The following RBM6 variants were observed in gnomAD, a reference collection of about 807,000 sequenced individuals.
RBM6 encodes the protein RNA binding motif protein 6.
A neutral mutation model predicts 140.4 loss-of-function variants in RBM6; 23 were observed. The observed-to-expected ratio is 0.16, with a 90% CI of 0.12 to 0.23. The LOEUF (loss-of-function observed/expected upper bound fraction) is 0.23. Ranked by LOEUF, RBM6 falls within the 10% of genes least tolerant of loss-of-function variation. RBM6 has a pLI of 1.00. For synonymous variants in RBM6, 439 were observed against 475.6 expected, an observed-to-expected ratio of 0.92 and a Z score of 1.00; for missense variants, 1,139 against 1,386.7, an observed-to-expected ratio of 0.82 and a Z score of 2.84.
chr3:50,002,270 T>TC (rs1197179855), intron 6 of RBM6, among the ~76,000 whole-genome samples: 1 of 151,094 alleles, frequency 6.6e-6, no homozygotes, highest in African/African-American at 2.4e-5. Flanking sequence ...TTTTCTTTTT[T>TC]TTTTTTTTTG....
intron 7 of RBM6, among the ~76,000 whole-genome samples, chr3:50,051,943 G>A (rs1408703103): frequency 3.3e-5 from 5 of 152,166 alleles, no homozygotes; most frequent in Non-Finnish European, 7.3e-5. Flanking sequence ...AATGGGGGAG[G>A]TAACTCCACT....
chr3:50,076,747 G>T (rs187755845), intron 20 of RBM6, among the ~76,000 whole-genome samples: 2 of 151,810 alleles, frequency 1.3e-5, no homozygotes, highest in Non-Finnish European at 2.9e-5. Context: ...TTAGCCGGGC[G>T]TGGTGGCAGG....
chr3:50,058,625 TGACTGG>T (rs2089811918), intron 10 of RBM6, 63 bp downstream of exon 10: 1 of 1,496,220 alleles, frequency 6.7e-7, no homozygotes, highest in Non-Finnish European at 9.2e-7. Context: ...CAAGAAGGTT[TGACTGG>T]GGGCCGGGCC....
chr3:50,006,144 C>CTTT (rs1169238410), intron 6 of RBM6, among the ~76,000 whole-genome samples: 3 of 112,830 alleles, frequency 2.7e-5, no homozygotes, highest in Admixed American at 9.5e-5. Flanking sequence ...CTGATTGAGA[C>CTTT]TTTTTTTTTT....
At chr3:49,947,260 A>G (rs1373634405) in intron 1 of RBM6, among the ~76,000 whole-genome samples, 7 of 24,864 alleles carry the variant, frequency 2.8e-4, no homozygotes, top group Admixed American at 1.7e-3. Flanking sequence ...TCAAAAAAAA[A>G]AAGGGGGGGG....
intron 5 of RBM6, 41 bp from the exon 6 acceptor site, chr3:49,999,399 C>T (rs9851274): frequency 6.6e-7 from 1 of 1,523,588 alleles, no homozygotes; most frequent in Non-Finnish European, 9.1e-7. Flanking sequence ...GTTTGCAAGG[C>T]ACTAACACCA....
rs187010029 is a variant in RBM6 at position 49,962,836 on chromosome 3, G to A, written c.44+151G>A. 6.5e-4 allele frequency: 440 copies of A among 677,034 alleles called. 4 individuals carry two copies. The East Asian group carries it at 0.014, about 22-fold the overall frequency. The allele number at this position is 677,034 out of a possible 1,614,324, so 41.9% of individuals were successfully genotyped here. On this transcript the variant is annotated intron_variant, in intron 2 of 20. Coordinates refer to ENST00000266022, the MANE Select transcript of RBM6 (RefSeq NM_005777.3). The stretch of plus-strand genomic sequence containing the variant: ...AATTTGGCTGGGCGCGGTGGCTCAC[G>A]CCTGTAATCCCAGCACTTTGGGAGG...
chr3:49,965,183 G>C (rs1322468815), intron 2 of RBM6, among the ~76,000 whole-genome samples: 2 of 152,288 alleles, frequency 1.3e-5, no homozygotes, highest in African/African-American at 4.8e-5. Flanking sequence ...ATTTAGAAGA[G>C]TAAGATAATC....
chr3:49,973,588 T>TC (rs1371810532), intron 4 of RBM6, among the ~76,000 whole-genome samples: 2 of 147,192 alleles, frequency 1.4e-5, no homozygotes, highest in Non-Finnish European at 1.5e-5. Context: ...GCTTTTCTTT[T>TC]TTTTTTTTTT....
At position 50,065,087 on chromosome 3, in the gene RBM6, C is replaced by T. The variant is rs1454320339; in HGVS notation, c.2643C>T (p.Pro881=). 6.2e-7 allele frequency: 1 copy of T among 1,613,782 alleles called. No individual in the cohort carries two copies. The highest frequency in any genetic ancestry group is 8.5e-7 in the Non-Finnish European group (1 of 1,179,790). Residue 881 remains proline (P), a synonymous_variant, in exon 16 of 21, where the codon CCC becomes CCT. Coordinates refer to ENST00000266022, the MANE Select transcript of RBM6 (RefSeq NM_005777.3). ...CTGCAGAAGACGTCTTTAAGAAGCC[C>T]CTGCCTCCTACTGTGAAGAAGGAAG... The part of the protein sequence containing the change: ...KAPAEDVFKK[P]LPPTVKKEES...
In RBM6 at chr3:49,982,272, T is replaced by C. The variant is rs1020223527; in HGVS notation, c.1483+6880T>C. Reference sequence around the variant, plus strand: ...CATTTCTTTTCTTTTCTTTTTTTTTTTTTTTTTTTTTTTTTTTTGGTAGAA... The same window carrying C: ...CATTTCTTTTCTTTTCTTTTTTTTTCTTTTTTTTTTTTTTTTTTGGTAGAA... On this transcript the variant is annotated intron_variant, in intron 5 of 20. Transcript: ENST00000266022. Among the ~76,000 whole-genome samples the C allele has an allele frequency of 3.1e-3, 451 of 143,718 alleles. 2 individuals are homozygous for C. The highest frequency in any genetic ancestry group is 0.011 in the African/African-American group (421 of 38,804). 94.3% of individuals were successfully genotyped at this position (143,718 alleles called of 152,430 possible). A position where few individuals can be genotyped will look rare whatever the true frequency, so the allele number is the denominator to read the frequency against.
Position 49,968,287 on chromosome 3 carries a change from G to C in RBM6, c.862G>C (p.Val288Leu). 6.2e-7 allele frequency: 1 copy of C among 1,614,138 alleles called. No homozygotes were observed. Among genetic ancestry groups the C allele is most frequent in the East Asian group, 2.2e-5 (1 of 44,888 alleles). ...ATTTAAAGATAGGGAGATGCCCCCT[G>C]TGGATCCAAATATTTTGGATTACAT... ...MEFKDREMPP[V>L]DPNILDYIQP... The change falls in exon 3 of 21, where the codon GTG becomes CTG. Residue 288 changes from valine to leucine, a missense_variant. By Grantham distance (32) the Val-to-Leu change is conservative. Around this residue, in one of 9 missense-constraint regions of RBM6, gnomAD observed 566 missense variants for 612.7 expected, o/e 0.92. Transcript: ENST00000266022.
At chr3:50,022,750 G>GA (rs1156726436) in intron 6 of RBM6, among the ~76,000 whole-genome samples, 1 of 152,046 alleles carries the variant, frequency 6.6e-6, no homozygotes, top group Non-Finnish European at 1.5e-5. Flanking sequence ...AGCCAAAAAT[G>GA]AAAAATAGGA....
At chr3:50,075,458 G>C in intron 20 of RBM6, 128 bp downstream of exon 20, 1 of 1,275,546 alleles carries the variant, frequency 7.8e-7, no homozygotes, top group Non-Finnish European at 1.1e-6. Context: ...GGACATGAGA[G>C]TTGAACACTT....
rs765558208 is a variant in RBM6 at position 49,968,271 on chromosome 3, T to C, written c.846T>C (p.Asp282=). 1 of 1,614,096 alleles carries C rather than the reference T, an allele frequency of 6.2e-7. No homozygotes were observed. The highest frequency in any genetic ancestry group is 1.1e-5 in the South Asian group (1 of 91,080). ...TGGGATCTTGTATGGAATTTAAAGA[T>C]AGGGAGATGCCCCCTGTGGATCCAA... ...REMGSCMEFK[D]REMPPVDPNI... is the part of the protein sequence containing the mutation. Residue 282 remains aspartate, a synonymous_variant, in exon 3 of 21, where the codon GAT becomes GAC. Coordinates refer to ENST00000266022, the MANE Select transcript of RBM6 (RefSeq NM_005777.3).
At chr3:50,020,605 A>C in intron 6 of RBM6, among the ~76,000 whole-genome samples, 1 of 152,168 alleles carries the variant, frequency 6.6e-6, no homozygotes, top group Admixed American at 6.5e-5. Flanking sequence ...CCATACAGTT[A>C]ATGATGGGGA....
chr3:49,946,995 T>C (rs2108572026), intron 1 of RBM6, among the ~76,000 whole-genome samples: 1 of 150,018 alleles, frequency 6.7e-6, no homozygotes, highest in Non-Finnish European at 1.5e-5. Context: ...TTTGGAGAAG[T>C]ATCTATTCAT....
At chr3:50,075,024 C>A in intron 19 of RBM6, 177 bp from the exon 20 acceptor site, 2 of 649,954 alleles carry the variant, frequency 3.1e-6, no homozygotes, top group Non-Finnish European at 5.0e-6. Context: ...GGTGTGGTGG[C>A]GGGCACCTGC....
chr3:49,964,763 A>G (rs1327326923), intron 2 of RBM6, among the ~76,000 whole-genome samples: 2 of 152,182 alleles, frequency 1.3e-5, no homozygotes, highest in Non-Finnish European at 2.9e-5. Flanking sequence ...TTTCGTATAG[A>G]ATTAACGTGG....
Sources: gnomAD v4.1 joint callset for allele counts (sites outside exome capture counted in the v4.1 genomes callset) on GRCh38, gnomAD v4.1.1 for gene constraint, gnomAD v4.1.1 regional missense constraint, MANE v1.5 for transcripts, NCBI Gene and HGNC (gene_info 2026-07-23, HGNC 2026-07-21) for gene names.